The following PDZRN4 variants were observed in gnomAD, a reference collection of about 807,000 sequenced individuals.
PDZRN4 encodes the protein PDZ domain containing ring finger 4.
In PDZRN4, 70 loss-of-function variants were observed where a neutral mutation model predicts 99.0. That is an observed-to-expected ratio of 0.71 (90% CI 0.58 to 0.86). PDZRN4 has a LOEUF of 0.86. Ranked by LOEUF, PDZRN4 falls within the 40% of genes least tolerant of loss-of-function variation. The pLI, the probability that PDZRN4 is intolerant of heterozygous loss-of-function variation, is 0.00. For synonymous variants in PDZRN4, 551 were observed against 501.6 expected, an observed-to-expected ratio of 1.10 and a Z score of -1.32; for missense variants, 1,474 against 1,331.2, an observed-to-expected ratio of 1.11 and a Z score of -1.67.
intron 3 of PDZRN4, among the ~76,000 whole-genome samples, chr12:41,241,226 T>A (rs1951099945): frequency 6.6e-6 from 1 of 152,200 alleles, no homozygotes; most frequent in South Asian, 2.1e-4. Context: ...CTTTGAGTAT[T>A]TTGCTGGTGC....
At chr12:41,467,600 C>CATTT (rs1401136486) in intron 3 of PDZRN4, among the ~76,000 whole-genome samples, 3 of 152,178 alleles carry the variant, frequency 2.0e-5, no homozygotes, top group African/African-American at 7.2e-5. Context: ...AGGGCTTCAC[C>CATTT]ATTTGCCCAG....
At chr12:41,486,554 C>A (rs1937777401) in intron 3 of PDZRN4, among the ~76,000 whole-genome samples, 1 of 152,022 alleles carries the variant, frequency 6.6e-6, no homozygotes, top group African/African-American at 2.4e-5. Flanking sequence ...TGTGGACAGT[C>A]TACCTGAAGA....
At chr12:41,340,685 T>C (rs1951809695) in intron 3 of PDZRN4, among the ~76,000 whole-genome samples, 2 of 151,830 alleles carry the variant, frequency 1.3e-5, no homozygotes, top group South Asian at 4.1e-4. Context: ...TGTATCAAAA[T>C]ATCTCATGTA....
chr12:41,478,281 A>G (rs1937623251), intron 3 of PDZRN4, among the ~76,000 whole-genome samples: 1 of 151,944 alleles, frequency 6.6e-6, no homozygotes, highest in Non-Finnish European at 1.5e-5. Context: ...ATATCTAGCT[A>G]ATTTTTGTAT....
At chr12:41,287,551 A>G (rs11836149) in intron 3 of PDZRN4, among the ~76,000 whole-genome samples, 2,257 of 152,332 alleles carry the variant, frequency 0.015, 57 homozygotes, top group African/African-American at 0.052. Context: ...TGTGAAAATA[A>G]CTTGCAGAAC....
intron 3 of PDZRN4, among the ~76,000 whole-genome samples, chr12:41,505,503 C>T (rs1358741070): frequency 6.6e-6 from 1 of 152,054 alleles, no homozygotes; most frequent in Non-Finnish European, 1.5e-5. Context: ...GTTTTGCCTC[C>T]CACAAGTTTG....
intron 7 of PDZRN4, among the ~76,000 whole-genome samples, chr12:41,561,141 C>A (rs78066909): frequency 0.031 from 4,649 of 152,120 alleles, 152 homozygotes; most frequent in African/African-American, 0.077. Flanking sequence ...AGGCAAAAAA[C>A]CCCATTGTTT....
chr12:41,188,835 T>C lies in PDZRN4; in HGVS notation c.380T>C (p.Val127Ala). 2 of 1,276,076 alleles carry C rather than the reference T, an allele frequency of 1.6e-6. No homozygotes were observed. Among genetic ancestry groups the C allele is most frequent in the East Asian group, 3.2e-5 (1 of 31,138 alleles). The allele number at this position is 1,276,076 out of a possible 1,614,324, so 79.0% of individuals were successfully genotyped here. Residue 127 changes from valine to alanine, a missense_variant, in exon 1 of 10, where the codon GTG (valine) becomes GCG (alanine). By Grantham distance (64) the Val-to-Ala change is moderately conservative. Transcript: ENST00000402685. The stretch of plus-strand genomic sequence containing the variant: ...GCTTCGGGGCTGGGCGGTGGTGAGG[T>C]GCCCGCGCGGGGGGGCTGCGGTCCG... ...GCASGLGGGE[V>A]PARGGCGPTP...
At chr12:41,424,585 T>C (rs1411122625) in intron 3 of PDZRN4, among the ~76,000 whole-genome samples, 2 of 152,188 alleles carry the variant, frequency 1.3e-5, no homozygotes, top group Non-Finnish European at 2.9e-5. Context: ...AATTTAAATA[T>C]ATTTGCTTAA....
chr12:41,193,543 G>A (rs1202414007), intron 2 of PDZRN4, among the ~76,000 whole-genome samples: 1 of 152,156 alleles, frequency 6.6e-6, no homozygotes, highest in Non-Finnish European at 1.5e-5. Flanking sequence ...TTCCCTTGCA[G>A]TTTAGATGTG....
chr12:41,228,661 T>C lies in PDZRN4; in HGVS notation c.843+34473T>C, dbSNP rs1362104765. On this transcript the variant is annotated intron_variant, in intron 3 of 9. Coordinates refer to ENST00000402685, the MANE Select transcript of PDZRN4 (RefSeq NM_001164595.2). ...GGAGGCTACCATGCTCTGAGTTTTA[T>C]GAATCAGACAATTGTAATATCATTG... 2.6e-5 allele frequency among the ~76,000 whole-genome samples: 4 copies of C among 152,122 alleles called. No individual in the cohort carries two copies. The South Asian group carries it at 8.3e-4, about 31-fold the overall frequency.
intron 3 of PDZRN4, among the ~76,000 whole-genome samples, chr12:41,271,430 A>G (rs899672041): frequency 1.3e-5 from 2 of 152,132 alleles, no homozygotes; most frequent in South Asian, 4.1e-4. Flanking sequence ...ACATGAAGGT[A>G]GTTTGAAAAG....
At chr12:41,438,147 G>T in intron 3 of PDZRN4, 1 of 1,098,448 alleles carries the variant, frequency 9.1e-7, no homozygotes, top group South Asian at 1.5e-5. Flanking sequence ...GCTGGTTTGG[G>T]GCTTTTAATT....
chr12:41,536,773 AC>A (rs1565608866), intron 5 of PDZRN4, among the ~76,000 whole-genome samples: 1 of 151,036 alleles, frequency 6.6e-6, no homozygotes, highest in Non-Finnish European at 1.5e-5. Flanking sequence ...AAAAAAAAAA[AC>A]CCTTCTTGAT....
intron 3 of PDZRN4, among the ~76,000 whole-genome samples, chr12:41,355,972 T>C (rs1378186351): frequency 6.6e-6 from 1 of 152,022 alleles, no homozygotes; most frequent in Admixed American, 6.6e-5. Flanking sequence ...AGTATAAATA[T>C]GAAAGCAAAA....
chr12:41,412,734 C>A (rs1446494534), intron 3 of PDZRN4, among the ~76,000 whole-genome samples: 1 of 152,052 alleles, frequency 6.6e-6, no homozygotes, highest in African/African-American at 2.4e-5. Flanking sequence ...TGCGATAGAA[C>A]AATGAATACC....
rs536507162 is a variant in PDZRN4, at chr12:41,293,256, C to T, written c.843+99068C>T. Among the ~76,000 whole-genome samples the T allele has an allele frequency of 1.0e-3, 150 of 144,876 alleles. 1 individual carries two copies. Among genetic ancestry groups the T allele is most frequent in the African/African-American group, 3.6e-3 (140 of 39,420 alleles). ...GCTGGTGGAATGTGGGTAGAGGACA[C>T]GTAATTAATTGTCCTAGGCAATGTA... On this transcript the variant is annotated intron_variant, in intron 3 of 9. Coordinates refer to ENST00000402685, the MANE Select transcript of PDZRN4 (RefSeq NM_001164595.2).
chr12:41,366,150 T>A (rs1021853864), intron 3 of PDZRN4, among the ~76,000 whole-genome samples: 4 of 152,116 alleles, frequency 2.6e-5, no homozygotes, highest in African/African-American at 9.7e-5. Flanking sequence ...GACTTAAAGT[T>A]TATGGTGCAT....
chr12:41,344,815 T>C (rs1429803708), intron 3 of PDZRN4, among the ~76,000 whole-genome samples: 1 of 149,698 alleles, frequency 6.7e-6, no homozygotes, highest in Non-Finnish European at 1.5e-5. Context: ...GATAGGGATA[T>C]AATTTTGATT....
Sources: allele counts gnomAD v4.1 joint callset (sites outside exome capture counted in the v4.1 genomes callset), GRCh38; gene constraint gnomAD v4.1.1; transcripts MANE v1.5; gene names NCBI Gene and HGNC (gene_info 2026-07-23, HGNC 2026-07-21).